The following DLG2 variants were observed in gnomAD, a reference collection of about 807,000 sequenced individuals.
DLG2 encodes the protein disks large homolog 2.
A neutral mutation model predicts 132.5 loss-of-function variants in DLG2; 45 were observed. The ratio of observed to expected loss-of-function variants is 0.34; its 90% CI spans 0.27 to 0.44. DLG2 has a LOEUF of 0.44. Among genes scored for constraint, DLG2 ranks in the 20% least tolerant of loss-of-function variants. DLG2 has a pLI of 1.00. For synonymous variants in DLG2, 424 were observed against 419.6 expected (o/e 1.01, Z -0.13); for missense variants, 1,045 against 1,196.9 (o/e 0.87, Z 1.87).
intron 7 of DLG2, among the ~76,000 whole-genome samples, chr11:84,254,652 C>T (rs948778131): frequency 2.0e-5 from 3 of 151,416 alleles, no homozygotes; most frequent in Non-Finnish European, 4.4e-5. Flanking sequence ...TGTTTAGTTA[C>T]TATTACTTAA....
intron 6 of DLG2, among the ~76,000 whole-genome samples, chr11:84,800,062 C>A (rs576158112): frequency 2.0e-5 from 3 of 152,068 alleles, no homozygotes; most frequent in South Asian, 4.1e-4. Context: ...GGGGTGAATG[C>A]ATTATGGATA....
chr11:84,806,759 G>A (rs1331404437), intron 6 of DLG2, among the ~76,000 whole-genome samples: 2 of 152,182 alleles, frequency 1.3e-5, no homozygotes, highest in Non-Finnish European at 1.5e-5. Flanking sequence ...ATAAGAAAAA[G>A]CCATAGTAAA....
intron 7 of DLG2, among the ~76,000 whole-genome samples, chr11:84,267,647 T>G (rs2097658841): frequency 6.6e-6 from 1 of 152,232 alleles, no homozygotes; most frequent in Non-Finnish European, 1.5e-5. Context: ...ACTGGGAGTT[T>G]TGGGGGACCC....
chr11:85,135,493 A>G (rs1376509909), intron 5 of DLG2, among the ~76,000 whole-genome samples: 2 of 152,214 alleles, frequency 1.3e-5, no homozygotes, highest in African/African-American at 2.4e-5. Context: ...AGAGGCAGAC[A>G]CTTAGAGAAA....
Position 83,853,855 on chromosome 11 carries a change from G to A in DLG2, c.1566-20085C>T, listed in dbSNP as rs557846631. On this transcript the variant is annotated intron_variant, in intron 16 of 27. Transcript: ENST00000376104. The stretch of plus-strand genomic sequence containing the variant: ...ATGTTCCCTTTCACCACCGCCTTTC[G>A]TCATCATACTGCAAGTTCTAGTTAA... 4.6e-5 allele frequency among the ~76,000 whole-genome samples: 7 copies of A among 152,144 alleles called. No homozygotes were observed. In the South Asian group the frequency reaches 1.0e-3, roughly 23 times the overall value.
chr11:85,384,955 A>T (rs1024417988), intron 3 of DLG2, among the ~76,000 whole-genome samples: 8 of 152,202 alleles, frequency 5.3e-5, no homozygotes, highest in Non-Finnish European at 8.8e-5. Flanking sequence ...ATCAGGATTA[A>T]ATGAGAAAAA....
At chr11:84,303,241 C>T (rs539788704) in intron 7 of DLG2, among the ~76,000 whole-genome samples, 3 of 152,212 alleles carry the variant, frequency 2.0e-5, no homozygotes, top group East Asian at 3.9e-4. Flanking sequence ...AGTGTGTAAA[C>T]ATAATCAACT....
chr11:85,541,373 T>A (rs2075960135), intron 3 of DLG2, among the ~76,000 whole-genome samples: 1 of 151,754 alleles, frequency 6.6e-6, no homozygotes, highest in Non-Finnish European at 1.5e-5. Context: ...GGAAAAAAAA[T>A]TAGAAATAAG....
intron 6 of DLG2, among the ~76,000 whole-genome samples, chr11:85,095,701 C>G (rs1042094026): frequency 6.6e-6 from 1 of 152,184 alleles, no homozygotes; most frequent in East Asian, 1.9e-4. Context: ...CACTACCATA[C>G]CTAAAATGAA....
intron 16 of DLG2, among the ~76,000 whole-genome samples, chr11:83,843,212 T>C (rs1368033593): frequency 6.6e-6 from 1 of 152,202 alleles, no homozygotes; most frequent in East Asian, 1.9e-4. Context: ...CCACAGCTTC[T>C]CATCCCAGGT....
intron 14 of DLG2, among the ~76,000 whole-genome samples, chr11:83,954,421 A>G (rs575571066): frequency 7.7e-4 from 118 of 152,266 alleles, no homozygotes; most frequent in Non-Finnish European, 1.2e-3. Context: ...ACTCTCCTTG[A>G]GGCTTCCACA....
intron 7 of DLG2, among the ~76,000 whole-genome samples, chr11:84,348,566 G>A (rs2098549044): frequency 2.0e-5 from 3 of 152,130 alleles, no homozygotes; most frequent in Admixed American, 6.5e-5. Flanking sequence ...CTATGACAGG[G>A]GATTCTAATA....
At chr11:85,477,028 A>G (rs75451397) in intron 3 of DLG2, among the ~76,000 whole-genome samples, 3,638 of 152,242 alleles carry the variant, frequency 0.024, 141 homozygotes, top group African/African-American at 0.082. Flanking sequence ...ATACAATGAC[A>G]AGAGTAATGC....
chr11:83,748,363 G>T (rs10501546), intron 18 of DLG2, among the ~76,000 whole-genome samples: 20,377 of 152,112 alleles, frequency 0.13, 1,582 homozygotes, highest in African/African-American at 0.2. Context: ...ATTTTCATCT[G>T]CAACTTTCAG....
intron 9 of DLG2, among the ~76,000 whole-genome samples, chr11:84,103,675 A>T (rs189260956): frequency 6.6e-6 from 1 of 152,226 alleles, no homozygotes; most frequent in African/African-American, 2.4e-5. Context: ...TTCTTGTTTC[A>T]TGTACTGCAC....
intron 8 of DLG2, among the ~76,000 whole-genome samples, chr11:84,237,228 C>T (rs575926426): frequency 6.6e-6 from 1 of 151,990 alleles, no homozygotes; most frequent in East Asian, 1.9e-4. Context: ...GTGCCCAGCC[C>T]AGCATCAGTA....
intron 10 of DLG2, among the ~76,000 whole-genome samples, chr11:84,077,576 T>G (rs1435535620): frequency 2.0e-5 from 3 of 152,246 alleles, no homozygotes; most frequent in African/African-American, 4.8e-5. Flanking sequence ...GTGCTATTTT[T>G]GCATGTTTTA....
chr11:83,761,663 G>C (rs558067638), intron 18 of DLG2, among the ~76,000 whole-genome samples: 8 of 152,196 alleles, frequency 5.3e-5, no homozygotes, highest in Admixed American at 4.6e-4. Flanking sequence ...CCTTCTGATT[G>C]AATGCAAATG....
At chr11:83,709,548 G>C (rs982723920) in intron 18 of DLG2, among the ~76,000 whole-genome samples, 2 of 152,032 alleles carry the variant, frequency 1.3e-5, no homozygotes, top group African/African-American at 4.8e-5. Flanking sequence ...TACCACCCCA[G>C]TGCTGGTAAT....
Sources: allele counts gnomAD v4.1 joint callset (sites outside exome capture counted in the v4.1 genomes callset), GRCh38; gene constraint gnomAD v4.1.1; transcripts MANE v1.5; gene names NCBI Gene and HGNC (gene_info 2026-07-23, HGNC 2026-07-21).